RHOJ: variants seen among roughly 807,000 people sequenced by gnomAD.
RHOJ encodes the protein rho-related GTP-binding protein RhoJ.
RHOJ carries 11 observed loss-of-function variants against 23.4 expected under a neutral mutation model. The ratio of observed to expected loss-of-function variants is 0.47; its 90% CI spans 0.30 to 0.78. The LOEUF is 0.78. RHOJ is among the 30% of genes least tolerant of loss of function. The pLI, the probability that RHOJ is intolerant of heterozygous loss-of-function variation, is 0.08. For synonymous variants in RHOJ, 102 were observed against 102.7 expected, an observed-to-expected ratio of 0.99 and a Z score of 0.04; for missense variants, 254 against 273.4, an observed-to-expected ratio of 0.93 and a Z score of 0.50.
At chr14:63,254,021 G>A (rs1364353409) in intron 1 of RHOJ, among the ~76,000 whole-genome samples, 1 of 152,202 alleles carries the variant, frequency 6.6e-6, no homozygotes, top group African/African-American at 2.4e-5. Flanking sequence ...AGTGGTTGGA[G>A]TGATGGTAGA....
chr14:63,228,953 C>T (rs1161343581), intron 1 of RHOJ, among the ~76,000 whole-genome samples: 1 of 152,186 alleles, frequency 6.6e-6, no homozygotes, highest in Admixed American at 6.5e-5. Flanking sequence ...CTCATAGCTC[C>T]TTCTTCTGAC....
intron 1 of RHOJ, among the ~76,000 whole-genome samples, chr14:63,226,124 A>G (rs1352366187): frequency 1.3e-5 from 2 of 152,180 alleles, no homozygotes; most frequent in African/African-American, 2.4e-5. Context: ...TTGCACTTAA[A>G]GGTGCCAGAA....
intron 2 of RHOJ, among the ~76,000 whole-genome samples, chr14:63,271,717 C>A (rs117747979): frequency 2.0e-5 from 3 of 152,240 alleles, no homozygotes; most frequent in African/African-American, 7.2e-5. Flanking sequence ...GCCTCATCCT[C>A]CCAGGTAACT....
rs1249058522 is a variant in RHOJ at position 63,269,173 on chromosome 14, AT to A, written c.237+10del. On this transcript the variant is annotated splice_donor_region_variant and intron_variant, in intron 2 of 4. Coordinates refer to ENST00000316754, the MANE Select transcript of RHOJ (RefSeq NM_020663.5). Reference sequence around the variant, plus strand: ...CTGTATGACACCGCGGGACAGGTACATTTTTATTATCTTGATTCATTGGAGG... The same window carrying A: ...CTGTATGACACCGCGGGACAGGTACATTTTATTATCTTGATTCATTGGAGG... 2 of 1,608,802 alleles carry A rather than the reference AT, an allele frequency of 1.2e-6. No homozygotes were observed. Among genetic ancestry groups the A allele is most frequent in the Non-Finnish European group, 1.7e-6 (2 of 1,175,296 alleles).
chr14:63,241,494 G>T (rs970607209), intron 1 of RHOJ, among the ~76,000 whole-genome samples: 3 of 152,134 alleles, frequency 2.0e-5, no homozygotes, highest in Non-Finnish European at 4.4e-5. Context: ...GTGGTTTCAA[G>T]GGAAGGTTTA....
chr14:63,237,206 G>T (rs1461273643), intron 1 of RHOJ, among the ~76,000 whole-genome samples: 1 of 152,042 alleles, frequency 6.6e-6, no homozygotes. Context: ...AGAGAAATAA[G>T]AGAAAATATG....
chr14:63,227,284 C>T (rs559613909), intron 1 of RHOJ, among the ~76,000 whole-genome samples: 40 of 152,258 alleles, frequency 2.6e-4, no homozygotes, highest in African/African-American at 9.1e-4. Flanking sequence ...GCAAATAATA[C>T]TTCAAGTAAT....
At chr14:63,289,523 C>A (rs1427718415) in intron 4 of RHOJ, among the ~76,000 whole-genome samples, 4 of 152,192 alleles carry the variant, frequency 2.6e-5, no homozygotes, top group Non-Finnish European at 5.9e-5. Flanking sequence ...TCTTAAAATG[C>A]GAATCAAAAA....
chr14:63,205,161 G>A, intron 1 of RHOJ, 114 bp downstream of exon 1: 2 of 1,121,364 alleles, frequency 1.8e-6, no homozygotes, highest in Non-Finnish European at 2.5e-6. Context: ...GGGCCTGGCA[G>A]TAACCAGGGA....
chr14:63,285,425 A>G (rs1348313031), intron 4 of RHOJ, among the ~76,000 whole-genome samples: 1 of 152,192 alleles, frequency 6.6e-6, no homozygotes, highest in Non-Finnish European at 1.5e-5. Flanking sequence ...CCCCAACTTA[A>G]AGGCTTTGCA....
rs1882293068 is a variant in RHOJ at position 63,292,856 on chromosome 14, T to C, written c.*1832T>C. On this transcript the variant is annotated 3_prime_UTR_variant, in exon 5 of 5. Coordinates refer to ENST00000316754, the MANE Select transcript of RHOJ (RefSeq NM_020663.5). ...GTCCCAGCTACTCAGGAGGCTGAGGTGGAAGGATCACTTGAGCCCAGAAGG... is the reference window on the plus strand; with the variant it reads ...GTCCCAGCTACTCAGGAGGCTGAGGCGGAAGGATCACTTGAGCCCAGAAGG... 6.7e-6 allele frequency: 1 copy of C among 150,070 alleles called. No individual in the cohort carries two copies. The highest frequency in any genetic ancestry group is 1.5e-5 in the Non-Finnish European group (1 of 67,832). 9.3% of individuals were successfully genotyped at this position (150,070 alleles called of 1,614,324 possible).
chr14:63,291,278 C>T lies in RHOJ; in HGVS notation c.*254C>T, dbSNP rs1044578143. 5.6e-5 allele frequency: 28 copies of T among 502,100 alleles called. No individual in the cohort carries two copies. Among genetic ancestry groups the T allele is most frequent in the Non-Finnish European group, 9.4e-5 (26 of 275,550 alleles). The allele number at this position is 502,100 out of a possible 1,614,324, so 31.1% of individuals were successfully genotyped here. ...GCCTGGATTGCAGACAGTGCCGCTG[C>T]TGATCGCATCAAAAACAAAGTCAAA... On this transcript the variant is annotated 3_prime_UTR_variant, in exon 5 of 5. Coordinates refer to ENST00000316754, the MANE Select transcript of RHOJ (RefSeq NM_020663.5).
chr14:63,255,484 A>G (rs1437920548), intron 1 of RHOJ, among the ~76,000 whole-genome samples: 1 of 152,176 alleles, frequency 6.6e-6, no homozygotes, highest in African/African-American at 2.4e-5. Flanking sequence ...AGCTTATTAG[A>G]AAAATAGATT....
intron 1 of RHOJ, among the ~76,000 whole-genome samples, chr14:63,214,017 C>A (rs1244681813): frequency 6.6e-6 from 1 of 152,142 alleles, no homozygotes; most frequent in Admixed American, 6.6e-5. Flanking sequence ...GTCATCTTCA[C>A]CACAGTCATT....
chr14:63,283,032 C>A, intron 3 of RHOJ, 89 bp from the exon 4 acceptor site: 2 of 1,038,242 alleles, frequency 1.9e-6, no homozygotes, highest in Non-Finnish European at 2.9e-6. Context: ...AAGATGTTAA[C>A]AGGGAAAAAG....
At position 63,283,227 on chromosome 14, in the gene RHOJ, A is replaced by G; in HGVS notation, c.498+11A>G. ...AAGCTCGCAAAAGCGGTACAGTCAG[A>G]TTTGAATTTCATTTTAAATGTATGC... On this transcript the variant is annotated intron_variant, in intron 4 of 4. Transcript: ENST00000316754. 1 of 1,601,748 alleles carries G rather than the reference A, an allele frequency of 6.2e-7. No homozygotes were observed. The highest frequency in any genetic ancestry group is 8.6e-7 in the Non-Finnish European group (1 of 1,169,178).
intron 4 of RHOJ, 81 bp from the exon 5 acceptor site, chr14:63,290,797 G>C (rs1235851173): frequency 1.3e-5 from 18 of 1,395,188 alleles, no homozygotes; most frequent in Non-Finnish European, 1.8e-5. Flanking sequence ...AGAAGTAAGT[G>C]CTTGTCTGGG....
Position 63,283,216 on chromosome 14 carries a change from G to A in RHOJ, c.498G>A (p.Ala166=), listed in dbSNP as rs757280495. The change falls in exon 4 of 5, where the codon GCG becomes GCA. Residue 166 remains alanine, a splice_region_variant and synonymous_variant. Coordinates refer to ENST00000316754, the MANE Select transcript of RHOJ (RefSeq NM_020663.5). ...AGCATGGTGTGAAGCTCGCAAAAGC[G>A]GTACAGTCAGATTTGAATTTCATTT... ...TYEHGVKLAK[A]IGAQCYLECS... is the part of the protein sequence containing the mutation. 2.5e-6 allele frequency: 4 copies of A among 1,609,740 alleles called. No individual in the cohort carries two copies. Among genetic ancestry groups the A allele is most frequent in the South Asian group, 1.1e-5 (1 of 91,002 alleles).
At position 63,283,192 on chromosome 14, in the gene RHOJ, G is replaced by C. The variant is rs1168523895; in HGVS notation, c.474G>C (p.Glu158Asp). The C allele has an allele frequency of 3.1e-6, 5 of 1,614,006 alleles. No homozygotes were observed. The East Asian group carries it at 1.1e-4, about 36-fold the overall frequency. The change falls in exon 4 of 5, where the codon GAG becomes GAC. Residue 158 changes from glutamate (E) to aspartate (D), a missense_variant. Physicochemically the swap from Glu to Asp is conservative, Grantham distance 45 (BLOSUM62 2). Coordinates refer to ENST00000316754, the MANE Select transcript of RHOJ (RefSeq NM_020663.5). ...TGAAAGAGAAACCTCTCACTTACGAGCATGGTGTGAAGCTCGCAAAAGCGG... is the reference window on the plus strand; with the variant it reads ...TGAAAGAGAAACCTCTCACTTACGACCATGGTGTGAAGCTCGCAAAAGCGG... ...LYMKEKPLTY[E>D]HGVKLAKAIG...
Sources: gnomAD v4.1 joint callset for allele counts (sites outside exome capture counted in the v4.1 genomes callset) on GRCh38, gnomAD v4.1.1 for gene constraint, MANE v1.5 for transcripts, NCBI Gene and HGNC (gene_info 2026-07-23, HGNC 2026-07-21) for gene names.